The following KIAA1549 variants were observed in gnomAD, a reference collection of about 807,000 sequenced individuals.
The protein encoded by KIAA1549 is UPF0606 protein KIAA1549.
Under a neutral mutation model 156.4 loss-of-function variants are expected in KIAA1549, and 70 were observed. The ratio of observed to expected loss-of-function variants is 0.45; its 90% CI spans 0.37 to 0.55. The LOEUF (loss-of-function observed/expected upper bound fraction) is 0.55, where lower values mean the gene tolerates loss of function less well. Among genes scored for constraint, KIAA1549 ranks in the 20% least tolerant of loss-of-function variants. The pLI, the probability that KIAA1549 is intolerant of heterozygous loss-of-function variation, is 0.00. For missense variants in KIAA1549, 2,428 were observed against 2,540.9 expected (o/e 0.96, Z 0.96); for synonymous variants, 1,103 against 1,066.4 (o/e 1.03, Z -0.67).
chr7:138,924,622 G>A lies in KIAA1549; in HGVS notation c.188-5184C>T, dbSNP rs1206138965. Among the ~76,000 whole-genome samples the A allele has an allele frequency of 3.3e-5, 5 of 152,104 alleles. No homozygotes were observed. In the South Asian group the frequency reaches 6.2e-4, roughly 19 times the overall value. ...AGAAAATGACGGGAACAAAAACTTC[G>A]TATTAAGAAATGGAAGGCAAGCCAA... On this transcript the variant is annotated intron_variant, in intron 1 of 19. Coordinates refer to ENST00000422774, the MANE Select transcript of KIAA1549 (RefSeq NM_001164665.2).
chr7:138,912,584 T>C (rs372467106), intron 2 of KIAA1549, 124 bp from the exon 3 acceptor site: 43 of 752,338 alleles, frequency 5.7e-5, no homozygotes, highest in South Asian at 4.2e-4. Flanking sequence ...TTTTGTAAAA[T>C]AAAGGCCAGA....
At chr7:138,954,619 C>T (rs1813608031) in intron 1 of KIAA1549, among the ~76,000 whole-genome samples, 1 of 152,108 alleles carries the variant, frequency 6.6e-6, no homozygotes, top group African/African-American at 2.4e-5. Flanking sequence ...ACCCCCCTCC[C>T]CCCACAACAA....
At chr7:138,940,528 C>T (rs923338015) in intron 1 of KIAA1549, among the ~76,000 whole-genome samples, 1 of 151,294 alleles carries the variant, frequency 6.6e-6, no homozygotes, top group Non-Finnish European at 1.5e-5. Flanking sequence ...GGGTATATAC[C>T]CAGTAATGGG....
At chr7:138,941,207 G>A (rs1346599852) in intron 1 of KIAA1549, among the ~76,000 whole-genome samples, 3 of 152,196 alleles carry the variant, frequency 2.0e-5, no homozygotes, top group Non-Finnish European at 4.4e-5. Context: ...CTGATTAGGA[G>A]TTCAATACAA....
chr7:138,969,965 T>A (rs1814169758), intron 1 of KIAA1549, among the ~76,000 whole-genome samples: 1 of 152,240 alleles, frequency 6.6e-6, no homozygotes, highest in South Asian at 2.1e-4. Flanking sequence ...TTATCCTTTG[T>A]GTTACAAACA....
chr7:138,948,914 G>C, intron 1 of KIAA1549, among the ~76,000 whole-genome samples: 1 of 151,874 alleles, frequency 6.6e-6, no homozygotes. Context: ...ATGTTGGTCA[G>C]GGCTGGTCTC....
At position 138,834,250 on chromosome 7, in the gene KIAA1549, C is replaced by G. The variant is rs551327274; in HGVS notation, c.*3656G>C. 1.1e-5 allele frequency: 2 copies of G among 188,878 alleles called. No individual in the cohort carries two copies. Among genetic ancestry groups the G allele is most frequent in the African/African-American group, 2.3e-5 (1 of 42,914 alleles). The allele number at this position is 188,878 out of a possible 1,614,324, so 11.7% of individuals were successfully genotyped here. A position where few individuals can be genotyped will look rare whatever the true frequency, so the allele number is the denominator to read the frequency against. ...TCTCAGCTCACTGCAACCTCCACCCCCCGGGTTCAAGCAATTATCGTGCCT... is the reference window on the plus strand; with the variant it reads ...TCTCAGCTCACTGCAACCTCCACCCGCCGGGTTCAAGCAATTATCGTGCCT... On this transcript the variant is annotated 3_prime_UTR_variant, in exon 20 of 20. Transcript: ENST00000422774.
chr7:138,901,623 C>G (rs1040871896), intron 8 of KIAA1549, among the ~76,000 whole-genome samples: 1 of 152,156 alleles, frequency 6.6e-6, no homozygotes, highest in South Asian at 2.1e-4. Context: ...CTGCACCCAG[C>G]CCACTTGAGC....
At chr7:138,979,352 C>T (rs550896030) in intron 1 of KIAA1549, among the ~76,000 whole-genome samples, 1 of 152,322 alleles carries the variant, frequency 6.6e-6, no homozygotes, top group South Asian at 2.1e-4. Flanking sequence ...TCTCCACAAC[C>T]TCTGCAGTAC....
At chr7:138,896,987 G>C (rs915444299) in intron 9 of KIAA1549, among the ~76,000 whole-genome samples, 1 of 152,072 alleles carries the variant, frequency 6.6e-6, no homozygotes, top group Admixed American at 6.6e-5. Flanking sequence ...GCTGCCTTTG[G>C]GCTATCCCTG....
chr7:138,966,271 A>T (rs1472675624), intron 1 of KIAA1549, among the ~76,000 whole-genome samples: 1 of 152,046 alleles, frequency 6.6e-6, no homozygotes, highest in Non-Finnish European at 1.5e-5. Context: ...GAAAAGAGGA[A>T]ATTTGCACGC....
In KIAA1549 at chr7:138,908,841, C is replaced by G. The variant is rs1215818258; in HGVS notation, c.3276+150G>C. ...CTCAGCCTGTGCACGCTATGCCGAC[C>G]TTACGCCACAGGAATAGATCAATCC... On this transcript the variant is annotated intron_variant, in intron 5 of 19. Transcript: ENST00000422774. The G allele has an allele frequency of 3.3e-6, 3 of 901,262 alleles. No homozygotes were observed. In the Admixed American group the frequency reaches 8.2e-5, roughly 25 times the overall value. The allele number at this position is 901,262 out of a possible 1,614,324, so 55.8% of individuals were successfully genotyped here.
intron 11 of KIAA1549, among the ~76,000 whole-genome samples, chr7:138,880,855 G>A (rs572572185): frequency 2.1e-4 from 32 of 152,184 alleles, no homozygotes; most frequent in Non-Finnish European, 3.5e-4. Flanking sequence ...AGAGTCTTGT[G>A]TGATATCCTG....
At chr7:138,844,871 G>T (rs1218489548) in intron 17 of KIAA1549, among the ~76,000 whole-genome samples, 1 of 150,950 alleles carries the variant, frequency 6.6e-6, no homozygotes, top group Non-Finnish European at 1.5e-5. Flanking sequence ...CAACACAGCG[G>T]TAATTTTTTT....
intron 15 of KIAA1549, among the ~76,000 whole-genome samples, chr7:138,861,918 C>T (rs559151863): frequency 4.0e-5 from 6 of 151,794 alleles, no homozygotes; most frequent in Admixed American, 2.0e-4. Flanking sequence ...ACATTTCATG[C>T]GAAGGAGAGG....
chr7:138,870,221 A>G (rs533870239), intron 13 of KIAA1549, among the ~76,000 whole-genome samples: 1 of 152,042 alleles, frequency 6.6e-6, no homozygotes, highest in East Asian at 1.9e-4. Flanking sequence ...TGCTGTCTGT[A>G]AGCTCCACGG....
intron 1 of KIAA1549, among the ~76,000 whole-genome samples, chr7:138,928,088 T>A (rs1812772958): frequency 6.8e-6 from 1 of 146,216 alleles, no homozygotes; most frequent in Non-Finnish European, 1.5e-5. Context: ...GCCCAGCTAA[T>A]TTTTTTGTAT....
chr7:138,911,247 T>C lies in KIAA1549; in HGVS notation c.3044A>G (p.Asn1015Ser). ...PFVYTAISVI[N>S]VLINSKLVRD... ...GACAAGCTTACTGTTTATAAGCACA[T>C]TTATGACGGATATTGCCGTGTAAAC... The change falls in exon 4 of 20, where the codon AAT (asparagine) becomes AGT (serine). Residue 1015 changes from asparagine (N) to serine (S), a missense_variant. Asn to Ser is a conservative substitution (Grantham distance 46). This residue lies in a region of KIAA1549 where 762 missense variants were observed against 901.6 expected (regional missense o/e 0.85). Transcript: ENST00000422774. The C allele has an allele frequency of 6.2e-7, 1 of 1,604,048 alleles. No homozygotes were observed.
At chr7:138,906,654 G>C (rs1563071977) in intron 6 of KIAA1549, among the ~76,000 whole-genome samples, 2 of 152,108 alleles carry the variant, frequency 1.3e-5, no homozygotes, top group African/African-American at 4.8e-5. Flanking sequence ...GGAGACTTGG[G>C]GGGAAGAGTG....
Sources: gnomAD v4.1 joint callset for allele counts (sites outside exome capture counted in the v4.1 genomes callset) on GRCh38, gnomAD v4.1.1 for gene constraint, gnomAD v4.1.1 regional missense constraint, MANE v1.5 for transcripts, NCBI Gene and HGNC (gene_info 2026-07-23, HGNC 2026-07-21) for gene names.